ANTXR1: variants seen among roughly 807,000 people sequenced by gnomAD.
ANTXR1 encodes ANTXR cell adhesion molecule 1.
In ANTXR1, 19 loss-of-function variants were observed where a neutral mutation model predicts 78.1. The ratio of observed to expected loss-of-function variants is 0.24; its 90% CI spans 0.17 to 0.36. The LOEUF is 0.36. Among genes scored for constraint, ANTXR1 ranks in the 10% least tolerant of loss-of-function variants. The pLI is 1.00. For synonymous variants in ANTXR1, 273 were observed against 260.5 expected, an observed-to-expected ratio of 1.05 and a Z score of -0.46; for missense variants, 518 against 718.6, an observed-to-expected ratio of 0.72 and a Z score of 3.19.
At chr2:69,235,025 T>C (rs1675719307) in intron 17 of ANTXR1, among the ~76,000 whole-genome samples, 1 of 136,418 alleles carries the variant, frequency 7.3e-6, no homozygotes, top group Non-Finnish European at 1.6e-5. Flanking sequence ...AGCTTTTTTT[T>C]TTTTTTTTTT....
chr2:69,014,356 A>G (rs993115242), intron 1 of ANTXR1, among the ~76,000 whole-genome samples: 1 of 152,134 alleles, frequency 6.6e-6, no homozygotes, highest in Non-Finnish European at 1.5e-5. Context: ...GTGACAACTA[A>G]AAATGCCTCC....
At position 69,102,948 on chromosome 2, in the gene ANTXR1, C is replaced by T. The variant is rs745453798; in HGVS notation, c.802+8C>T. The T allele has an allele frequency of 1.2e-6, 2 of 1,613,788 alleles. No individual in the cohort carries two copies. Among genetic ancestry groups the T allele is most frequent in the Non-Finnish European group, 1.7e-6 (2 of 1,179,674 alleles). ...ATGACTCGGTCACACTCAGTAAGTC[C>T]TTGCAGAGTCCATGGGTTTCTTCGA... On this transcript the variant is annotated splice_region_variant and intron_variant, in intron 10 of 17. Transcript: ENST00000303714.
intron 17 of ANTXR1, among the ~76,000 whole-genome samples, chr2:69,200,860 GAT>G (rs1313021325): frequency 3.9e-5 from 6 of 152,120 alleles, no homozygotes; most frequent in Non-Finnish European, 7.3e-5. Context: ...GGGTAATGAT[GAT>G]CTCCATTTTA....
At chr2:69,187,272 T>C (rs368769122) in intron 16 of ANTXR1, among the ~76,000 whole-genome samples, 18 of 152,172 alleles carry the variant, frequency 1.2e-4, no homozygotes, top group East Asian at 5.8e-4. Flanking sequence ...GATCGGGAAA[T>C]TTTCCCTGAT....
chr2:69,026,641 T>C (rs1671352083), intron 1 of ANTXR1, among the ~76,000 whole-genome samples: 1 of 152,228 alleles, frequency 6.6e-6, no homozygotes. Flanking sequence ...AGCCATATAC[T>C]TTAGCAGAAA....
At chr2:69,159,998 C>G (rs1673635505) in intron 13 of ANTXR1, among the ~76,000 whole-genome samples, 1 of 152,218 alleles carries the variant, frequency 6.6e-6, no homozygotes, top group African/African-American at 2.4e-5. Flanking sequence ...AGCCTAACAT[C>G]ACCAAAAGGA....
intron 10 of ANTXR1, among the ~76,000 whole-genome samples, chr2:69,115,932 C>T (rs762236683): frequency 6.6e-6 from 1 of 152,208 alleles, no homozygotes; most frequent in Admixed American, 6.5e-5. Context: ...GATAAGAGGA[C>T]ATTACAGTGG....
intron 8 of ANTXR1, 62 bp from the exon 9 acceptor site, chr2:69,090,797 C>T (rs538935179): frequency 1.3e-4 from 211 of 1,569,908 alleles, no homozygotes; most frequent in Non-Finnish European, 1.8e-4. Context: ...AAAGCAGAAC[C>T]CTGATTCTGT....
chr2:69,020,610 G>A (rs1176446915), intron 1 of ANTXR1, among the ~76,000 whole-genome samples: 1 of 152,128 alleles, frequency 6.6e-6, no homozygotes, highest in East Asian at 1.9e-4. Context: ...AGGGAGACTT[G>A]GCTGTCACAT....
chr2:69,038,271 A>T (rs1168635114), intron 1 of ANTXR1, among the ~76,000 whole-genome samples: 1 of 152,210 alleles, frequency 6.6e-6, no homozygotes, highest in African/African-American at 2.4e-5. Flanking sequence ...CAGCTAGAGT[A>T]GTGCTGGGTG....
chr2:69,213,497 G>A (rs768872739), intron 17 of ANTXR1, among the ~76,000 whole-genome samples: 1 of 152,168 alleles, frequency 6.6e-6, no homozygotes, highest in African/African-American at 2.4e-5. Flanking sequence ...CATTTAAAAC[G>A]TGCCAAACAA....
At chr2:69,023,687 G>A (rs1366492730) in intron 1 of ANTXR1, among the ~76,000 whole-genome samples, 2 of 152,120 alleles carry the variant, frequency 1.3e-5, no homozygotes, top group African/African-American at 4.8e-5. Flanking sequence ...CTAGAGTTCT[G>A]GAATCAAAAA....
chr2:69,185,839 G>A (rs1367702404), intron 16 of ANTXR1, among the ~76,000 whole-genome samples: 1 of 152,178 alleles, frequency 6.6e-6, no homozygotes, highest in Non-Finnish European at 1.5e-5. Flanking sequence ...CTAGGATGCC[G>A]GTGGACTTGA....
chr2:69,077,388 T>A lies in ANTXR1; in HGVS notation c.562-20T>A. 6.2e-7 allele frequency: 1 copy of A among 1,613,868 alleles called. No homozygotes were observed. The highest frequency in any genetic ancestry group is 1.1e-5 in the South Asian group (1 of 91,072). On this transcript the variant is annotated intron_variant, in intron 7 of 17. Coordinates refer to ENST00000303714, the MANE Select transcript of ANTXR1 (RefSeq NM_032208.3). ...GCCTAACAGTCTCCCCATGTGTTTG[T>A]GTATTTGCTGTGTTCTCAGCTGGCC... is the stretch of plus-strand genomic sequence containing the variant.
At chr2:69,126,622 C>T (rs191942795) in intron 12 of ANTXR1, among the ~76,000 whole-genome samples, 1 of 151,996 alleles carries the variant, frequency 6.6e-6, no homozygotes, top group East Asian at 1.9e-4. Context: ...ACAGCCACTG[C>T]CCTTGAGACC....
At chr2:69,229,999 T>C (rs1299162331) in intron 17 of ANTXR1, among the ~76,000 whole-genome samples, 3 of 152,168 alleles carry the variant, frequency 2.0e-5, no homozygotes, top group African/African-American at 7.2e-5. Flanking sequence ...TGCTTCCTCT[T>C]AATGTTTTCA....
At chr2:69,017,903 C>A (rs182736245) in intron 1 of ANTXR1, among the ~76,000 whole-genome samples, 1 of 152,080 alleles carries the variant, frequency 6.6e-6, no homozygotes, top group African/African-American at 2.4e-5. Context: ...TCTCACAGCA[C>A]CCCCCCACCC....
intron 17 of ANTXR1, among the ~76,000 whole-genome samples, chr2:69,207,379 C>G (rs1674931178): frequency 6.6e-6 from 1 of 152,148 alleles, no homozygotes; most frequent in African/African-American, 2.4e-5. Context: ...AAAAACGCAG[C>G]TTTCCATAAG....
At chr2:69,073,295 A>G (rs1485705591) in intron 6 of ANTXR1, among the ~76,000 whole-genome samples, 194 bp downstream of exon 6, 1 of 152,204 alleles carries the variant, frequency 6.6e-6, no homozygotes, top group Admixed American at 6.5e-5. Context: ...CACATGGTAA[A>G]TGTTTTCCCC....
Sources: allele counts gnomAD v4.1 joint callset (sites outside exome capture counted in the v4.1 genomes callset), GRCh38; gene constraint gnomAD v4.1.1; transcripts MANE v1.5; gene names NCBI Gene and HGNC (gene_info 2026-07-23, HGNC 2026-07-21).